The following MPP4 variants were observed in gnomAD, a reference collection of about 807,000 sequenced individuals.
MPP4 encodes MAGUK p55 scaffold protein 4.
Under a neutral mutation model 98.3 loss-of-function variants are expected in MPP4, and 91 were observed. That is an observed-to-expected ratio of 0.93 (90% CI 0.78 to 1.10). The LOEUF is 1.10. Ranked by LOEUF, MPP4 falls within the 50% of genes least tolerant of loss-of-function variation. The pLI, the probability that MPP4 is intolerant of heterozygous loss-of-function variation, is 0.00. For synonymous variants in MPP4, 261 were observed against 271.8 expected (o/e 0.96, Z 0.39); for missense variants, 744 against 792.9 (o/e 0.94, Z 0.74).
intron 16 of MPP4, among the ~76,000 whole-genome samples, chr2:201,657,097 C>T (rs1687867373): frequency 6.6e-6 from 1 of 152,020 alleles, no homozygotes; most frequent in African/African-American, 2.4e-5. Flanking sequence ...TTGGTGTAAA[C>T]CGTAGGGAGA....
At chr2:201,656,411 A>G (rs1406815071) in intron 16 of MPP4, 43 bp from the exon 17 acceptor site, 2 of 1,505,624 alleles carry the variant, frequency 1.3e-6, no homozygotes, top group Non-Finnish European at 1.8e-6. Context: ...CAGGCAGGAG[A>G]GATCACTTGT....
At chr2:201,697,338 T>C (rs1689218332) in intron 1 of MPP4, among the ~76,000 whole-genome samples, 1 of 152,210 alleles carries the variant, frequency 6.6e-6, no homozygotes, top group Non-Finnish European at 1.5e-5. Context: ...TTTCCCTCCC[T>C]CCAGGTAGCT....
chr2:201,661,677 T>C, intron 14 of MPP4: 1 of 448,294 alleles, frequency 2.2e-6, no homozygotes, highest in South Asian at 1.6e-5. Context: ...TTCTAAGCAC[T>C]TTATTCATAT....
chr2:201,685,851 A>C, intron 6 of MPP4, 68 bp downstream of exon 6: 5 of 1,562,916 alleles, frequency 3.2e-6, no homozygotes, highest in Non-Finnish European at 4.4e-6. Context: ...AGTAACCACT[A>C]GATATAATTT....
intron 4 of MPP4, among the ~76,000 whole-genome samples, chr2:201,689,901 C>T (rs1381454199): frequency 3.3e-5 from 5 of 151,812 alleles, no homozygotes; most frequent in Non-Finnish European, 4.4e-5. Context: ...GATATAAATC[C>T]GAGAATTATT....
At chr2:201,675,860 T>C (rs1466439962) in intron 10 of MPP4, among the ~76,000 whole-genome samples, 2 of 152,214 alleles carry the variant, frequency 1.3e-5, no homozygotes, top group African/African-American at 4.8e-5. Context: ...GCAAAGTTGC[T>C]CTTCCTTCTT....
chr2:201,660,835 C>T (rs1029190779), intron 14 of MPP4, among the ~76,000 whole-genome samples: 3 of 152,132 alleles, frequency 2.0e-5, no homozygotes, highest in Non-Finnish European at 2.9e-5. Context: ...ACACTTCCAT[C>T]CCCAGCTGCC....
intron 12 of MPP4, among the ~76,000 whole-genome samples, chr2:201,667,906 T>C (rs1688228875): frequency 6.6e-6 from 1 of 152,140 alleles, no homozygotes; most frequent in East Asian, 1.9e-4. Context: ...ACGAGTGGCA[T>C]GGTTGAGATT....
chr2:201,670,352 C>G (rs978138086), intron 11 of MPP4, among the ~76,000 whole-genome samples: 4 of 152,034 alleles, frequency 2.6e-5, no homozygotes, highest in African/African-American at 9.7e-5. Context: ...GAAGGATCAT[C>G]TATAATAGTT....
At chr2:201,693,776 G>A in intron 2 of MPP4, 100 bp downstream of exon 2, 1 of 1,392,434 alleles carries the variant, frequency 7.2e-7, no homozygotes. Flanking sequence ...TCCTCATAGG[G>A]ATCACAGTAA....
chr2:201,646,168 T>C (rs1228268142), intron 21 of MPP4, among the ~76,000 whole-genome samples: 2 of 152,212 alleles, frequency 1.3e-5, no homozygotes. Flanking sequence ...TACTCTTACC[T>C]AAACACTTGA....
At chr2:201,698,443 A>T in intron 1 of MPP4, 144 bp downstream of exon 1, 1 of 514,810 alleles carries the variant, frequency 1.9e-6, no homozygotes, top group Non-Finnish European at 3.2e-6. Context: ...AAAATTCCCC[A>T]TATCATTTGA....
In MPP4 at chr2:201,694,608, C is replaced by CTTTTTTTTTT. The variant is rs777556505; in HGVS notation, c.-100-564_-100-555dup. On this transcript the variant is annotated intron_variant, in intron 1 of 21. Coordinates refer to ENST00000409474, the MANE Select transcript of MPP4 (RefSeq NM_033066.3). ...AGAGTCTGGACAGTTTTCTTTTTCC[C>CTTTTTTTTTT]TTTTTTTTTTTTTTTTTTTTTTTTT... Among the ~76,000 whole-genome samples the CTTTTTTTTTT allele has an allele frequency of 1.6e-4, 13 of 78,900 alleles. 1 individual carries two copies. The highest frequency in any genetic ancestry group is 4.7e-4 in the East Asian group (1 of 2,142). 51.8% of individuals were successfully genotyped at this position (78,900 alleles called of 152,430 possible). A position where few individuals can be genotyped will look rare whatever the true frequency, so the allele number is the denominator to read the frequency against.
At chr2:201,690,535 A>G (rs982580084) in intron 3 of MPP4, among the ~76,000 whole-genome samples, 18 of 152,194 alleles carry the variant, frequency 1.2e-4, no homozygotes, top group African/African-American at 4.3e-4. Context: ...TTCAGTAATA[A>G]AAAGAAATTC....
chr2:201,647,958 C>T lies in MPP4; in HGVS notation c.1585-133G>A, dbSNP rs1032639001. The stretch of plus-strand genomic sequence containing the variant: ...GTAGCCTCAGCTTCCCAGGCTCAAA[C>T]GATCCACCCATCTCAGCCTCCCAAG... On this transcript the variant is annotated intron_variant, in intron 20 of 21. Coordinates refer to ENST00000409474, the MANE Select transcript of MPP4 (RefSeq NM_033066.3). 103 of 817,402 alleles carry T rather than the reference C, an allele frequency of 1.3e-4. No homozygotes were observed. The Admixed American group carries it at 1.9e-3, about 15-fold the overall frequency. 50.6% of individuals were successfully genotyped at this position (817,402 alleles called of 1,614,324 possible). A position where few individuals can be genotyped will look rare whatever the true frequency, so the allele number is the denominator to read the frequency against.
At chr2:201,680,724 G>C in intron 10 of MPP4, 114 bp downstream of exon 10, 1 of 886,902 alleles carries the variant, frequency 1.1e-6, no homozygotes, top group South Asian at 1.8e-5. Flanking sequence ...GTGTGTGTGT[G>C]TTCATTCATC....
At chr2:201,684,169 T>A (rs2105941586) in intron 7 of MPP4, among the ~76,000 whole-genome samples, 1 of 150,402 alleles carries the variant, frequency 6.6e-6, no homozygotes, top group African/African-American at 2.5e-5. Flanking sequence ...CAGTGAGTCA[T>A]GATCATACCC....
intron 10 of MPP4, among the ~76,000 whole-genome samples, chr2:201,675,658 G>C (rs1191157429): frequency 6.6e-6 from 1 of 152,138 alleles, no homozygotes; most frequent in Non-Finnish European, 1.5e-5. Context: ...GGCTATTAGA[G>C]GCTCTCTACA....
intron 5 of MPP4, 100 bp from the exon 6 acceptor site, chr2:201,686,150 A>G (rs757343714): frequency 2.2e-6 from 3 of 1,391,006 alleles, no homozygotes; most frequent in Non-Finnish European, 2.9e-6. Context: ...CAACAACAAC[A>G]AACACCAATA....
Sources: gnomAD v4.1 joint callset for allele counts (sites outside exome capture counted in the v4.1 genomes callset) on GRCh38, gnomAD v4.1.1 for gene constraint, MANE v1.5 for transcripts, NCBI Gene and HGNC (gene_info 2026-07-23, HGNC 2026-07-21) for gene names.